The following SON variants were observed in gnomAD, a reference collection of about 807,000 sequenced individuals.
SON encodes SON DNA and RNA binding protein.
A neutral mutation model predicts 173.3 loss-of-function variants in SON; 4 were observed. That is an observed-to-expected ratio of 0.02 (90% CI 0.01 to 0.05). The LOEUF (loss-of-function observed/expected upper bound fraction) is 0.05, where lower values mean the gene tolerates loss of function less well. Ranked by LOEUF, SON falls within the 10% of genes least tolerant of loss-of-function variation. The pLI, the probability that SON is intolerant of heterozygous loss-of-function variation, is 1.00. For synonymous variants in SON, 1,190 were observed against 1,105.9 expected, an observed-to-expected ratio of 1.08 and a Z score of -1.51; for missense variants, 2,626 against 3,055.3, an observed-to-expected ratio of 0.86 and a Z score of 3.31.
In SON at chr21:33,554,673, A is replaced by G; in HGVS notation, c.5442A>G (p.Lys1814=). 2 of 1,613,940 alleles carry G rather than the reference A, an allele frequency of 1.2e-6. No individual in the cohort carries two copies. The highest frequency in any genetic ancestry group is 1.7e-6 in the Non-Finnish European group (2 of 1,180,030). ...ATAAGAACCGTGATAAGGGGGAGAA[A>G]GAGAAGAAAAGAGACTCTTCATTAA... ...KKNKNRDKGE[K]EKKRDSSLRS... The change falls in exon 3 of 12, where the codon AAA becomes AAG. Residue 1814 remains lysine, a synonymous_variant. Transcript: ENST00000356577.
rs928851742 is a variant in SON, at chr21:33,547,705, C to CTTTTTTTTTT, written c.244+1344_244+1353dup. On this transcript the variant is annotated intron_variant, in intron 2 of 11. Coordinates refer to ENST00000356577, the MANE Select transcript of SON (RefSeq NM_138927.4). ...GTGTTGATTTATTTTCTTCTGTAGT[C>CTTTTTTTTTT]TTTTTTTTTTTTTTTTTTTTTTTTT... Among the ~76,000 whole-genome samples, 11 of 71,026 alleles carry CTTTTTTTTTT rather than the reference C, an allele frequency of 1.5e-4. 1 individual carries two copies. Among genetic ancestry groups the CTTTTTTTTTT allele is most frequent in the East Asian group, 5.1e-4 (1 of 1,978 alleles). 46.6% of individuals were successfully genotyped at this position (71,026 alleles called of 152,430 possible).
intron 6 of SON, among the ~76,000 whole-genome samples, chr21:33,565,473 C>T (rs1268627274): frequency 6.6e-6 from 1 of 152,096 alleles, no homozygotes; most frequent in African/African-American, 2.4e-5. Context: ...ATAATCCTAC[C>T]TGACAAAACA....
chr21:33,569,370 G>A, intron 8 of SON: 1 of 370,796 alleles, frequency 2.7e-6, no homozygotes, highest in South Asian at 2.6e-5. Context: ...CGCTAATAGT[G>A]TATCAGGTGC....
intron 8 of SON, chr21:33,572,719 G>A (rs1416713882): frequency 4.9e-6 from 3 of 614,874 alleles, no homozygotes; most frequent in Non-Finnish European, 8.0e-6. Flanking sequence ...CATACTTACA[G>A]GATATTTTAT....
At chr21:33,561,637 T>C (rs1442118891) in intron 6 of SON, among the ~76,000 whole-genome samples, 1 of 152,148 alleles carries the variant, frequency 6.6e-6, no homozygotes, top group East Asian at 1.9e-4. Context: ...AGAGAGAGTG[T>C]GTGTGTGCGT....
At position 33,554,495 on chromosome 21, in the gene SON, C is replaced by T. The variant is rs759491028; in HGVS notation, c.5264C>T (p.Pro1755Leu). 4 of 1,614,144 alleles carry T rather than the reference C, an allele frequency of 2.5e-6. No individual in the cohort carries two copies. The highest frequency in any genetic ancestry group is 3.3e-5 in the Admixed American group (2 of 60,026). Residue 1755 changes from proline to leucine, a missense_variant, in exon 3 of 12, where the codon CCT (proline) becomes CTT (leucine). By Grantham distance (98) the Pro-to-Leu change is moderately conservative (BLOSUM62 -3). Coordinates refer to ENST00000356577, the MANE Select transcript of SON (RefSeq NM_138927.4). ...LTSLRAGIEG[P>L]LLASDVGRDR... is the part of the protein sequence containing the mutation. ...AGCCTTAGAGCTGGCATTGAAGGAC[C>T]TTTACTTGCAAGTGATGTTGGACGT...
At chr21:33,571,948 T>G (rs1333147235) in intron 8 of SON, 2 of 152,416 alleles carry the variant, frequency 1.3e-5, no homozygotes, top group East Asian at 3.8e-4. Flanking sequence ...CAGAGCACCT[T>G]GATGAACTTA....
chr21:33,569,932 T>C (rs2086248380), intron 8 of SON: 1 of 167,546 alleles, frequency 6.0e-6, no homozygotes, highest in Non-Finnish European at 1.3e-5. Context: ...TACGAAGATG[T>C]AGGTGCATCT....
In SON at chr21:33,549,681, A is replaced by T. The variant is rs1380765469; in HGVS notation, c.450A>T (p.Leu150Phe). 1 of 1,612,578 alleles carries T rather than the reference A, an allele frequency of 6.2e-7. No homozygotes were observed. The highest frequency in any genetic ancestry group is 8.5e-7 in the Non-Finnish European group (1 of 1,179,606). Residue 150 changes from leucine to phenylalanine, a missense_variant, in exon 3 of 12, where the codon TTA becomes TTT. Coordinates refer to ENST00000356577, the MANE Select transcript of SON (RefSeq NM_138927.4). ...CTCATGATGATGGGAACATAGATTT[A>T]GAATCTGATTCCTTTTTAAAGTTTG... is the stretch of plus-strand genomic sequence containing the variant. ...TKSHDDGNID[L>F]ESDSFLKFDS...
chr21:33,573,531 G>A (rs1027577679), intron 9 of SON, 76 bp downstream of exon 9: 10 of 1,317,094 alleles, frequency 7.6e-6, no homozygotes, highest in Non-Finnish European at 1.1e-5. Context: ...TGAACCCAGT[G>A]ATACTGAACT....
Position 33,552,635 on chromosome 21 carries a change from C to T in SON, c.3404C>T (p.Ser1135Phe). 1 of 1,614,132 alleles carries T rather than the reference C, an allele frequency of 6.2e-7. No individual in the cohort carries two copies. The highest frequency in any genetic ancestry group is 8.5e-7 in the Non-Finnish European group (1 of 1,180,016). Residue 1135 changes from serine to phenylalanine, a missense_variant, in exon 3 of 12, where the codon TCT becomes TTT. Physicochemically the swap from Ser to Phe is radical, Grantham distance 155. Coordinates refer to ENST00000356577, the MANE Select transcript of SON (RefSeq NM_138927.4). The surrounding 1 kb of genome is among the most constrained non-coding windows in gnomAD (Gnocchi z 5.6). Reference sequence around the variant, plus strand: ...ATGGCTGCTGATTCTTACACCGATTCTTACACTGACACATATACAGAGGCA... The same window carrying T: ...ATGGCTGCTGATTCTTACACCGATTTTTACACTGACACATATACAGAGGCA... ...MSMAADSYTD[S>F]YTDTYTEAYM...
At position 33,552,046 on chromosome 21, in the gene SON, C is replaced by T; in HGVS notation, c.2815C>T (p.His939Tyr). 4 of 1,614,070 alleles carry T rather than the reference C, an allele frequency of 2.5e-6. No individual in the cohort carries two copies. Among genetic ancestry groups the T allele is most frequent in the Non-Finnish European group, 3.4e-6 (4 of 1,179,976 alleles). ...RLGHDPYRLG[H>Y]DAYRLGQDPY... Reference sequence around the variant, plus strand: ...GGGCCATGACCCCTATAGATTAGGTCATGATGCTTACAGGTTAGGACAAGA... The same window carrying T: ...GGGCCATGACCCCTATAGATTAGGTTATGATGCTTACAGGTTAGGACAAGA... Residue 939 changes from histidine to tyrosine, a missense_variant, in exon 3 of 12, where the codon CAT becomes TAT. Around this residue, in one of 13 missense-constraint regions of SON, gnomAD observed 366 missense variants for 448.6 expected, o/e 0.82. Transcript: ENST00000356577. This position sits in a 1 kb window ranked among gnomAD's most constrained non-coding sequence, Gnocchi z 5.6.
At chr21:33,572,002 A>C (rs2086294219) in intron 8 of SON, 3 of 152,240 alleles carry the variant, frequency 2.0e-5, no homozygotes, top group Admixed American at 2.0e-4. Flanking sequence ...CCCAGCATTT[A>C]ATTACAAAGC....
At position 33,576,718 on chromosome 21, in the gene SON, C is replaced by G; in HGVS notation, c.*294C>G. On this transcript the variant is annotated 3_prime_UTR_variant, in exon 12 of 12. Transcript: ENST00000356577. Reference sequence around the variant, plus strand: ...CATCTCCAGGCTTTGATTTTTGTACCATGGAAATTGTATTTAACCATACAG... The same window carrying G: ...CATCTCCAGGCTTTGATTTTTGTACGATGGAAATTGTATTTAACCATACAG... 1 of 496,804 alleles carries G rather than the reference C, an allele frequency of 2.0e-6. No homozygotes were observed. The highest frequency in any genetic ancestry group is 3.9e-5 in the East Asian group (1 of 25,768). 30.8% of individuals were successfully genotyped at this position (496,804 alleles called of 1,614,324 possible).
chr21:33,576,683 T>C lies in SON; in HGVS notation c.*259T>C. 1.7e-6 allele frequency: 1 copy of C among 572,270 alleles called. No individual in the cohort carries two copies. Among genetic ancestry groups the C allele is most frequent in the Non-Finnish European group, 3.2e-6 (1 of 311,624 alleles). The allele number at this position is 572,270 out of a possible 1,614,324, so 35.4% of individuals were successfully genotyped here. On this transcript the variant is annotated 3_prime_UTR_variant, in exon 12 of 12. Coordinates refer to ENST00000356577, the MANE Select transcript of SON (RefSeq NM_138927.4). ...ATTTAAGACATTGTGTAAAAAGCAA[T>C]CTGTAAAAACATCTCCAGGCTTTGA...
At chr21:33,548,372 C>G (rs1477007939) in intron 2 of SON, among the ~76,000 whole-genome samples, 2 of 151,996 alleles carry the variant, frequency 1.3e-5, no homozygotes, top group African/African-American at 4.8e-5. Flanking sequence ...AATCAGTATC[C>G]TTTTCTAAAA....
chr21:33,576,303 A>G (rs2086399295), intron 11 of SON, 62 bp from the exon 12 acceptor site: 1 of 821,176 alleles, frequency 1.2e-6, no homozygotes, highest in South Asian at 1.4e-5. Context: ...TTAGTGAAAA[A>G]ATACAAAGCT....
In SON at chr21:33,551,158, G is replaced by A. The variant is rs1174875034; in HGVS notation, c.1927G>A (p.Gly643Arg). ...PGQPGAPELP[G>R]QPVATVALEI... The stretch of plus-strand genomic sequence containing the variant: ...GCAGCCTGGGGCGCCAGAGTTGCCT[G>A]GGCAGCCTGTGGCAACTGTGGCGCT... The change falls in exon 3 of 12, where the codon GGG (glycine) becomes AGG (arginine). Residue 643 changes from glycine to arginine, a missense_variant. Gly to Arg is a moderately radical substitution (Grantham distance 125). This residue lies in a region of SON where 182 missense variants were observed against 193.6 expected (regional missense o/e 0.94). Coordinates refer to ENST00000356577, the MANE Select transcript of SON (RefSeq NM_138927.4). The A allele has an allele frequency of 1.2e-6, 2 of 1,613,796 alleles. No individual in the cohort carries two copies. Among genetic ancestry groups the A allele is most frequent in the Non-Finnish European group, 1.7e-6 (2 of 1,179,864 alleles).
Position 33,569,263 on chromosome 21 carries a change from C to G in SON, c.6885+176C>G, listed in dbSNP as rs181663964. The G allele has an allele frequency of 1.3e-5, 7 of 544,932 alleles. No individual in the cohort carries two copies. In the Admixed American group the frequency reaches 2.4e-4, roughly 19 times the overall value. 33.8% of individuals were successfully genotyped at this position (544,932 alleles called of 1,614,324 possible). A position where few individuals can be genotyped will look rare whatever the true frequency, so the allele number is the denominator to read the frequency against. ...ACGGACTGGATTCATGAGAAAATGGCAAATGTATAAATGTGGCTCAAGAGC... is the reference window on the plus strand; with the variant it reads ...ACGGACTGGATTCATGAGAAAATGGGAAATGTATAAATGTGGCTCAAGAGC... On this transcript the variant is annotated intron_variant, in intron 8 of 11. Coordinates refer to ENST00000356577, the MANE Select transcript of SON (RefSeq NM_138927.4).
Sources: allele counts gnomAD v4.1 joint callset (sites outside exome capture counted in the v4.1 genomes callset), GRCh38; gene constraint gnomAD v4.1.1; regional missense constraint gnomAD v4.1.1; non-coding constraint Gnocchi (gnomAD v3.1); transcripts MANE v1.5; gene names NCBI Gene and HGNC (gene_info 2026-07-23, HGNC 2026-07-21).